Variants in RBFOX1 observed in about 807,000 individuals in gnomAD.
RBFOX1 encodes the protein RNA binding protein fox-1 homolog 1.
Under a neutral mutation model 57.7 loss-of-function variants are expected in RBFOX1, and 8 were observed. The ratio of observed to expected loss-of-function variants is 0.14; its 90% CI spans 0.08 to 0.25. RBFOX1 has a LOEUF of 0.25. RBFOX1 is among the 10% of genes least tolerant of loss of function. RBFOX1 has a pLI of 1.00. For synonymous variants in RBFOX1, 326 were observed against 222.4 expected, an observed-to-expected ratio of 1.47 and a Z score of -4.15; for missense variants, 611 against 548.5, an observed-to-expected ratio of 1.11 and a Z score of -1.14.
intron 4 of RBFOX1, among the ~76,000 whole-genome samples, chr16:7,169,239 A>G (rs2080190583): frequency 6.6e-6 from 1 of 152,234 alleles, no homozygotes; most frequent in African/African-American, 2.4e-5. Flanking sequence ...GATGAAAATC[A>G]TAATAACATA....
intron 4 of RBFOX1, among the ~76,000 whole-genome samples, chr16:7,403,589 C>T (rs1417166592): frequency 1.5e-5 from 2 of 137,220 alleles, no homozygotes; most frequent in East Asian, 5.2e-4. Flanking sequence ...TTTTTTTGCC[C>T]AGTCTGGAGT....
chr16:5,541,609 A>T (rs1174849728), intron 2 of RBFOX1, among the ~76,000 whole-genome samples: 2 of 152,136 alleles, frequency 1.3e-5, no homozygotes, highest in East Asian at 3.8e-4. Flanking sequence ...CAGCGAGCAG[A>T]GGGAAGAGTT....
chr16:7,430,398 A>G (rs1296925385), intron 4 of RBFOX1, among the ~76,000 whole-genome samples: 2 of 152,206 alleles, frequency 1.3e-5, no homozygotes, highest in East Asian at 3.9e-4. Context: ...GCAGTGGCTC[A>G]TGCCTGTAAT....
chr16:6,414,872 A>G (rs1394075100), intron 2 of RBFOX1, among the ~76,000 whole-genome samples: 1 of 152,192 alleles, frequency 6.6e-6, no homozygotes, highest in East Asian at 1.9e-4. Flanking sequence ...ATATAGGTCA[A>G]GGATATAGTC....
chr16:6,240,901 C>G (rs1424804447), intron 1 of RBFOX1, among the ~76,000 whole-genome samples: 2 of 152,138 alleles, frequency 1.3e-5, no homozygotes, highest in Non-Finnish European at 2.9e-5. Context: ...TCCCATTGAC[C>G]TCTCCCTGTT....
At chr16:7,514,959 T>C (rs759020106) in intron 4 of RBFOX1, among the ~76,000 whole-genome samples, 5 of 152,314 alleles carry the variant, frequency 3.3e-5, no homozygotes, top group African/African-American at 1.2e-4. Context: ...CATATGATCA[T>C]TGTCTGTACC....
At chr16:7,021,635 A>G (rs1053757489) in intron 3 of RBFOX1, among the ~76,000 whole-genome samples, 2 of 147,574 alleles carry the variant, frequency 1.4e-5, no homozygotes, top group Non-Finnish European at 3.0e-5. Context: ...TAAATTATAT[A>G]AAAATTTTAT....
At chr16:7,680,316 C>G (rs1479785710) in intron 14 of RBFOX1, among the ~76,000 whole-genome samples, 1 of 152,130 alleles carries the variant, frequency 6.6e-6, no homozygotes, top group Non-Finnish European at 1.5e-5. Flanking sequence ...AACTGTGCCA[C>G]AAATATTTGG....
At chr16:7,560,471 C>T (rs575050673) in intron 5 of RBFOX1, among the ~76,000 whole-genome samples, 37 of 151,534 alleles carry the variant, frequency 2.4e-4, no homozygotes, top group Non-Finnish European at 4.3e-4. Context: ...CTTGTTGCTG[C>T]TCCGGATTTC....
intron 4 of RBFOX1, among the ~76,000 whole-genome samples, chr16:7,475,100 G>A (rs1449142131): frequency 6.6e-6 from 1 of 152,126 alleles, no homozygotes; most frequent in Non-Finnish European, 1.5e-5. Flanking sequence ...AGAGACAGAT[G>A]GGTGCCTCTT....
In RBFOX1 at chr16:6,819,994, G is replaced by C. The variant is rs529546359; in HGVS notation, c.-16+165344G>C. 3.3e-5 allele frequency among the ~76,000 whole-genome samples: 5 copies of C among 152,220 alleles called. No homozygotes were observed. The South Asian group carries it at 8.3e-4, about 25-fold the overall frequency. On this transcript the variant is annotated intron_variant, in intron 3 of 15. Coordinates refer to ENST00000550418, the MANE Select transcript of RBFOX1 (RefSeq NM_018723.4). ...TGTGTCCCCACCCAAATCACATCTT[G>C]AATTGTAGTTCCCATAATCCCCATA...
chr16:5,740,435 T>C (rs528627067), intron 3 of RBFOX1, among the ~76,000 whole-genome samples: 1 of 152,334 alleles, frequency 6.6e-6, no homozygotes, highest in Admixed American at 6.5e-5. Flanking sequence ...TATTGGACAC[T>C]ATTCAAAGCA....
chr16:6,858,755 T>C (rs2058362248), intron 3 of RBFOX1, among the ~76,000 whole-genome samples: 1 of 152,070 alleles, frequency 6.6e-6, no homozygotes, highest in Non-Finnish European at 1.5e-5. Context: ...CAAAAACACA[T>C]CTTTATTCTT....
At chr16:5,448,373 G>C (rs1301860988) in intron 1 of RBFOX1, among the ~76,000 whole-genome samples, 1 of 152,184 alleles carries the variant, frequency 6.6e-6, no homozygotes, top group African/African-American at 2.4e-5. Flanking sequence ...CTGGAATAAG[G>C]TATGTTTGGG....
intron 3 of RBFOX1, among the ~76,000 whole-genome samples, chr16:6,822,342 C>A (rs535804314): frequency 1.3e-5 from 2 of 152,290 alleles, no homozygotes; most frequent in East Asian, 3.9e-4. Context: ...TGACTCTCAG[C>A]CATTCTGTGG....
At chr16:5,708,951 G>C (rs537756971) in intron 3 of RBFOX1, among the ~76,000 whole-genome samples, 2 of 152,192 alleles carry the variant, frequency 1.3e-5, no homozygotes, top group Non-Finnish European at 2.9e-5. Context: ...ACAAGAAAGA[G>C]AGCAAGAGAG....
intron 4 of RBFOX1, among the ~76,000 whole-genome samples, chr16:7,255,110 C>G (rs1603450140): frequency 6.6e-6 from 1 of 151,922 alleles, no homozygotes; most frequent in Admixed American, 6.6e-5. Flanking sequence ...CCCCAATGTG[C>G]CAAAAATAAC....
At chr16:5,532,151 G>A (rs1203328855) in intron 2 of RBFOX1, among the ~76,000 whole-genome samples, 1 of 152,138 alleles carries the variant, frequency 6.6e-6, no homozygotes, top group African/African-American at 2.4e-5. Context: ...TGATGTGGCA[G>A]CGGGGGTGGT....
rs371274665 is a variant in RBFOX1 at position 6,023,587 on chromosome 16, T to C, written c.-127+3595T>C. ...ATCGTATTTGACACAGAAAATACTTTGGAGACGCAGCGATTTCCCAGTGGC... is the reference window on the plus strand; with the variant it reads ...ATCGTATTTGACACAGAAAATACTTCGGAGACGCAGCGATTTCCCAGTGGC... On this transcript the variant is annotated intron_variant, in intron 1 of 15. Transcript: ENST00000550418. Among the ~76,000 whole-genome samples the C allele has an allele frequency of 4.6e-5, 7 of 152,206 alleles. No individual in the cohort carries two copies. In the East Asian group the frequency reaches 1.2e-3, roughly 25 times the overall value.
Sources: allele counts gnomAD v4.1 joint callset (sites outside exome capture counted in the v4.1 genomes callset), GRCh38; gene constraint gnomAD v4.1.1; transcripts MANE v1.5; gene names NCBI Gene and HGNC (gene_info 2026-07-23, HGNC 2026-07-21).